The following CCN4 variants were observed in gnomAD, a reference collection of about 807,000 sequenced individuals.
CCN4 encodes the protein CCN family member 4.
Under a neutral mutation model 36.7 loss-of-function variants are expected in CCN4, and 30 were observed. The observed-to-expected ratio is 0.82, with a 90% confidence interval of 0.61 to 1.11. The LOEUF (loss-of-function observed/expected upper bound fraction) is 1.11, where lower values mean the gene tolerates loss of function less well. Ranked by LOEUF, CCN4 falls within the 50% of genes least tolerant of loss-of-function variation. The probability of loss-of-function intolerance (pLI) is 0.00; values close to 1 mark genes in which losing one functional copy is unlikely to be tolerated. For synonymous variants in CCN4, 191 were observed against 195.4 expected (o/e 0.98, Z 0.19); for missense variants, 505 against 504.9 (o/e 1.00, Z 0.00).
At chr8:133,195,514 A>G (rs925925025) in intron 1 of CCN4, among the ~76,000 whole-genome samples, 2 of 152,022 alleles carry the variant, frequency 1.3e-5, no homozygotes, top group African/African-American at 4.8e-5. Context: ...AACCCCATCC[A>G]GGCCCCACAC....
chr8:133,212,991 T>A lies in CCN4; in HGVS notation c.197T>A (p.Val66Asp). 6.2e-7 allele frequency: 1 copy of A among 1,613,984 alleles called. No homozygotes were observed. The highest frequency in any genetic ancestry group is 8.5e-7 in the Non-Finnish European group (1 of 1,179,984). ...TCCCCACCCCGCTGCCCGCTGGGGGTCAGCCTCATCACAGATGGCTGTGAG... is the reference window on the plus strand; with the variant it reads ...TCCCCACCCCGCTGCCCGCTGGGGGACAGCCTCATCACAGATGGCTGTGAG... ...PPSPPRCPLGVSLITDGCECC... is the reference protein window; with the variant it reads ...PPSPPRCPLGDSLITDGCECC... The change falls in exon 2 of 5, where the codon GTC becomes GAC. Residue 66 changes from valine to aspartate, a missense_variant. Val to Asp is a radical substitution (Grantham distance 152, BLOSUM62 -3). Transcript: ENST00000250160.
chr8:133,196,454 C>T (rs1400272259), intron 1 of CCN4, among the ~76,000 whole-genome samples: 1 of 152,202 alleles, frequency 6.6e-6, no homozygotes, highest in African/African-American at 2.4e-5. Context: ...CACTAAACTT[C>T]ATCTGTTTCG....
chr8:133,227,711 G>T lies in CCN4; in HGVS notation c.*1G>T. ...TGACTTCTCAGAAATTGCCAACTAG[G>T]CAGGCACAAATCTTGGGTCTTGGGG... is the stretch of plus-strand genomic sequence containing the variant. On this transcript the variant is annotated 3_prime_UTR_variant, in exon 5 of 5. Coordinates refer to ENST00000250160, the MANE Select transcript of CCN4 (RefSeq NM_003882.4). 6.2e-7 allele frequency: 1 copy of T among 1,610,934 alleles called. No homozygotes were observed.
intron 1 of CCN4, among the ~76,000 whole-genome samples, chr8:133,198,206 C>G (rs568811649): frequency 6.6e-6 from 1 of 152,326 alleles, no homozygotes; most frequent in East Asian, 1.9e-4. Context: ...GCTCACGCTG[C>G]TGCTTCTCTA....
At chr8:133,214,749 A>G (rs1476570474) in intron 2 of CCN4, among the ~76,000 whole-genome samples, 3 of 152,176 alleles carry the variant, frequency 2.0e-5, no homozygotes, top group Non-Finnish European at 4.4e-5. Context: ...AAACTTCCAC[A>G]AAGTCTCATA....
intron 1 of CCN4, among the ~76,000 whole-genome samples, chr8:133,210,237 T>G (rs907174038): frequency 2.0e-4 from 30 of 152,164 alleles, no homozygotes; most frequent in Admixed American, 1.3e-4. Flanking sequence ...GAAGCCTTCC[T>G]GGAGGAGAGG....
chr8:133,214,571 G>A (rs1436073446), intron 2 of CCN4, among the ~76,000 whole-genome samples: 1 of 151,882 alleles, frequency 6.6e-6, no homozygotes, highest in Non-Finnish European at 1.5e-5. Context: ...TCCATCACGG[G>A]TATTCTATCC....
intron 2 of CCN4, among the ~76,000 whole-genome samples, chr8:133,216,386 G>A (rs1334072527): frequency 6.6e-6 from 1 of 152,106 alleles, no homozygotes; most frequent in African/African-American, 2.4e-5. Context: ...GGGGACAATG[G>A]CAATCTGGTG....
In CCN4 at chr8:133,229,033, T is replaced by A. The variant is rs552714734; in HGVS notation, c.*1323T>A. The A allele has an allele frequency of 2.6e-5, 4 of 152,374 alleles. No individual in the cohort carries two copies. The South Asian group carries it at 8.3e-4, about 32-fold the overall frequency. The allele number at this position is 152,374 out of a possible 1,614,324, so 9.4% of individuals were successfully genotyped here. A position where few individuals can be genotyped will look rare whatever the true frequency, so the allele number is the denominator to read the frequency against. ...ATATAATATTTACTGTTAGAATTCT[T>A]TTATTTAGGGCCTTTTCTGTGCCAG... On this transcript the variant is annotated 3_prime_UTR_variant, in exon 5 of 5. Transcript: ENST00000250160.
At chr8:133,226,178 T>C (rs1447836926) in intron 4 of CCN4, among the ~76,000 whole-genome samples, 3 of 152,234 alleles carry the variant, frequency 2.0e-5, no homozygotes, top group African/African-American at 7.2e-5. Context: ...TAAAAGTGGA[T>C]CTGATTTATC....
At chr8:133,203,900 G>A (rs927399483) in intron 1 of CCN4, among the ~76,000 whole-genome samples, 3 of 152,164 alleles carry the variant, frequency 2.0e-5, no homozygotes, top group Non-Finnish European at 4.4e-5. Context: ...ATATGCAAAC[G>A]TCAAATTATA....
intron 1 of CCN4, among the ~76,000 whole-genome samples, chr8:133,201,339 C>T (rs1853580070): frequency 1.3e-5 from 2 of 151,980 alleles, no homozygotes; most frequent in Non-Finnish European, 2.9e-5. Flanking sequence ...TCAAAGAAAC[C>T]ATCTGTTAAA....
At chr8:133,193,315 AG>A (rs1258293357) in intron 1 of CCN4, among the ~76,000 whole-genome samples, 3 of 152,228 alleles carry the variant, frequency 2.0e-5, no homozygotes, top group African/African-American at 4.8e-5. Context: ...TAGAGTTACA[AG>A]GGGGACTTCT....
At position 133,199,818 on chromosome 8, in the gene CCN4, C is replaced by A. The variant is rs1853522731; in HGVS notation, c.69+8605C>A. ...CTTTGGCTCTTAGATGATCAAAGAG[C>A]CAGCCCTTGTTGGGCCCTTAGTGTG... is the stretch of plus-strand genomic sequence containing the variant. On this transcript the variant is annotated intron_variant, in intron 1 of 4. Coordinates refer to ENST00000250160, the MANE Select transcript of CCN4 (RefSeq NM_003882.4). Among the ~76,000 whole-genome samples, 3 of 152,208 alleles carry A rather than the reference C, an allele frequency of 2.0e-5. No individual in the cohort carries two copies. In the South Asian group the frequency reaches 6.2e-4, roughly 31 times the overall value.
Position 133,212,844 on chromosome 8 carries a change from C to G in CCN4, c.70-20C>G, listed in dbSNP as rs1338039821. ...CCCCTGTCTCAGCAGCCCCCCTTTCCCTCTGCCCTCCCCCCGCAGGCCCTC... is the reference window on the plus strand; with the variant it reads ...CCCCTGTCTCAGCAGCCCCCCTTTCGCTCTGCCCTCCCCCCGCAGGCCCTC... On this transcript the variant is annotated intron_variant, in intron 1 of 4. Coordinates refer to ENST00000250160, the MANE Select transcript of CCN4 (RefSeq NM_003882.4). The G allele has an allele frequency of 2.6e-6, 4 of 1,534,322 alleles. No individual in the cohort carries two copies. The highest frequency in any genetic ancestry group is 3.5e-6 in the Non-Finnish European group (4 of 1,131,494).
intron 1 of CCN4, among the ~76,000 whole-genome samples, chr8:133,210,388 T>G (rs1401119061): frequency 1.5e-4 from 9 of 58,914 alleles, no homozygotes; most frequent in East Asian, 9.4e-4. Context: ...AAAAGAGGGG[T>G]GTGTGTGTGT....
intron 1 of CCN4, among the ~76,000 whole-genome samples, chr8:133,203,044 C>T (rs1043084433): frequency 1.3e-5 from 2 of 152,230 alleles, no homozygotes; most frequent in Admixed American, 6.5e-5. Flanking sequence ...CCAGCTAGGG[C>T]CGGCTCCGGC....
intron 1 of CCN4, among the ~76,000 whole-genome samples, chr8:133,205,061 G>A (rs2130553139): frequency 6.6e-6 from 1 of 152,324 alleles, no homozygotes; most frequent in Middle Eastern, 3.4e-3. Context: ...GGGTAGCTAG[G>A]AGGGGTTGCT....
At chr8:133,212,829 A>G (rs776575497) in intron 1 of CCN4, 35 bp from the exon 2 acceptor site, 14 of 1,486,940 alleles carry the variant, frequency 9.4e-6, no homozygotes, top group African/African-American at 1.4e-5. Flanking sequence ...CCCCTGTCTC[A>G]GCAGCCCCCC....
Sources: allele counts gnomAD v4.1 joint callset (sites outside exome capture counted in the v4.1 genomes callset), GRCh38; gene constraint gnomAD v4.1.1; transcripts MANE v1.5; gene names NCBI Gene and HGNC (gene_info 2026-07-23, HGNC 2026-07-21).